SLIT3: variants seen among roughly 807,000 people sequenced by gnomAD.
SLIT3 encodes the protein slit guidance ligand 3, also known as slit homolog 3 protein.
Under a neutral mutation model 184.0 loss-of-function variants are expected in SLIT3, and 68 were observed. That is an observed-to-expected ratio of 0.37 (90% confidence interval 0.30 to 0.45). The LOEUF is 0.45. Ranked by LOEUF, SLIT3 falls within the 20% of genes least tolerant of loss-of-function variation. The pLI is 1.00. For missense variants in SLIT3, 1,707 were observed against 2,026.0 expected (o/e 0.84, Z 3.02); for synonymous variants, 831 against 828.6 (o/e 1.00, Z -0.05).
intron 6 of SLIT3, among the ~76,000 whole-genome samples, chr5:168,834,462 C>T (rs1056167438): frequency 1.3e-5 from 2 of 151,824 alleles, no homozygotes; most frequent in East Asian, 3.9e-4. Flanking sequence ...GAGGCAGAGG[C>T]GGGCGGATCA....
intron 4 of SLIT3, among the ~76,000 whole-genome samples, chr5:168,964,662 A>T (rs75669971): frequency 0.04 from 6,074 of 152,314 alleles, 155 homozygotes; most frequent in Middle Eastern, 0.065. Context: ...CACCTAATAG[A>T]ATTTGTTTTG....
chr5:169,081,054 C>T (rs1012225918), intron 4 of SLIT3, among the ~76,000 whole-genome samples: 1 of 152,204 alleles, frequency 6.6e-6, no homozygotes, highest in African/African-American at 2.4e-5. Context: ...GCTCCCCGCT[C>T]CAGCTCCAGG....
intron 14 of SLIT3, among the ~76,000 whole-genome samples, chr5:168,769,093 T>C (rs1252468634): frequency 6.6e-6 from 1 of 152,120 alleles, no homozygotes; most frequent in Non-Finnish European, 1.5e-5. Flanking sequence ...AAGTGATGAG[T>C]CTGAGGGGAA....
chr5:168,884,007 G>A (rs1760065811), intron 4 of SLIT3, among the ~76,000 whole-genome samples: 1 of 152,070 alleles, frequency 6.6e-6, no homozygotes, highest in African/African-American at 2.4e-5. Context: ...TGAGGAGGGT[G>A]AGGGATAGTG....
At chr5:169,265,269 G>A (rs866986313) in intron 1 of SLIT3, among the ~76,000 whole-genome samples, 4 of 152,162 alleles carry the variant, frequency 2.6e-5, no homozygotes, top group South Asian at 2.1e-4. Context: ...GCAGACCTGC[G>A]TAGTCTGGTT....
At chr5:169,245,494 T>A (rs1765558531) in intron 2 of SLIT3, among the ~76,000 whole-genome samples, 1 of 152,154 alleles carries the variant, frequency 6.6e-6, no homozygotes, top group South Asian at 2.1e-4. Context: ...CTTAAATGGA[T>A]GAGCTGAACA....
At chr5:168,815,342 G>A (rs564438850) in intron 8 of SLIT3, among the ~76,000 whole-genome samples, 53 of 152,290 alleles carry the variant, frequency 3.5e-4, no homozygotes, top group Middle Eastern at 3.4e-3. Flanking sequence ...CCTTTGACAG[G>A]AAGGTGCTCT....
chr5:169,234,566 G>A (rs1765127503), intron 3 of SLIT3, among the ~76,000 whole-genome samples: 1 of 152,060 alleles, frequency 6.6e-6, no homozygotes, highest in Non-Finnish European at 1.5e-5. Context: ...ATCACACCTG[G>A]CTAATTTTTT....
intron 4 of SLIT3, among the ~76,000 whole-genome samples, chr5:169,019,947 A>G (rs1474403990): frequency 6.6e-6 from 1 of 152,158 alleles, no homozygotes; most frequent in African/African-American, 2.4e-5. Flanking sequence ...TTGCTTGGGA[A>G]TAAGTGTTTT....
intron 7 of SLIT3, among the ~76,000 whole-genome samples, chr5:168,819,871 A>G (rs1408412856): frequency 6.6e-6 from 1 of 152,086 alleles, no homozygotes. Flanking sequence ...CAAGAGCACC[A>G]GAGGAAAGAG....
intron 4 of SLIT3, among the ~76,000 whole-genome samples, chr5:169,166,019 A>T (rs1762627050): frequency 6.6e-6 from 1 of 152,222 alleles, no homozygotes; most frequent in Admixed American, 6.5e-5. Context: ...CCTATCTTAC[A>T]CATAAAGAAA....
intron 32 of SLIT3, among the ~76,000 whole-genome samples, chr5:168,673,834 C>A (rs1396835466): frequency 6.6e-6 from 1 of 152,162 alleles, no homozygotes; most frequent in Non-Finnish European, 1.5e-5. Context: ...TTGCATTTGG[C>A]TATCATTATT....
intron 8 of SLIT3, among the ~76,000 whole-genome samples, chr5:168,808,829 C>T (rs1211542677): frequency 1.3e-5 from 2 of 152,192 alleles, no homozygotes; most frequent in Non-Finnish European, 2.9e-5. Flanking sequence ...CAGTTGGCCT[C>T]AGATGTCAGG....
chr5:168,730,565 C>T (rs936135655), intron 20 of SLIT3, among the ~76,000 whole-genome samples: 2 of 151,658 alleles, frequency 1.3e-5, no homozygotes, highest in Non-Finnish European at 3.0e-5. Context: ...AAATCAATAC[C>T]AAGACAAACT....
At chr5:169,231,531 GT>G (rs751591031) in intron 3 of SLIT3, among the ~76,000 whole-genome samples, 1 of 151,912 alleles carries the variant, frequency 6.6e-6, no homozygotes, top group Admixed American at 6.6e-5. Flanking sequence ...ACAGACAGCA[GT>G]TTTTTTTGCA....
chr5:168,772,494 C>T, intron 14 of SLIT3: 1 of 443,478 alleles, frequency 2.3e-6, no homozygotes, highest in Non-Finnish European at 4.0e-6. Context: ...GCCCCACCTT[C>T]TCCTTAGCTC....
At chr5:168,779,011 T>G (rs1216802264) in intron 12 of SLIT3, among the ~76,000 whole-genome samples, 13 of 152,204 alleles carry the variant, frequency 8.5e-5, no homozygotes, top group Admixed American at 8.5e-4. Flanking sequence ...GCTGAGATGA[T>G]CCGACCAGGT....
chr5:169,230,389 A>G (rs1764961467), intron 3 of SLIT3, among the ~76,000 whole-genome samples: 1 of 152,228 alleles, frequency 6.6e-6, no homozygotes, highest in Non-Finnish European at 1.5e-5. Flanking sequence ...AACATAACGC[A>G]CATAACAGAA....
intron 4 of SLIT3, among the ~76,000 whole-genome samples, chr5:169,050,089 G>A (rs961037602): frequency 6.6e-6 from 1 of 152,046 alleles, no homozygotes; most frequent in South Asian, 2.1e-4. Context: ...GAAGAGGGGT[G>A]CGTTTTCTAC....
Sources: gnomAD v4.1 joint callset for allele counts (sites outside exome capture counted in the v4.1 genomes callset) on GRCh38, gnomAD v4.1.1 for gene constraint, MANE v1.5 for transcripts, NCBI Gene and HGNC (gene_info 2026-07-23, HGNC 2026-07-21) for gene names.